The following CTNNB1 variants were observed in gnomAD, a reference collection of about 807,000 sequenced individuals.
CTNNB1 encodes the protein catenin beta-1.
A neutral mutation model predicts 82.5 loss-of-function variants in CTNNB1; 6 were observed. The ratio of observed to expected loss-of-function variants is 0.07; its 90% CI spans 0.04 to 0.14. The LOEUF is 0.14. Ranked by LOEUF, CTNNB1 falls within the 10% of genes least tolerant of loss-of-function variation. The pLI is 1.00. For missense variants in CTNNB1, 529 were observed against 980.4 expected, an observed-to-expected ratio of 0.54 and a Z score of 6.15; for synonymous variants, 312 against 329.7, an observed-to-expected ratio of 0.95 and a Z score of 0.58.
intron 1 of CTNNB1, among the ~76,000 whole-genome samples, chr3:41,215,161 A>G (rs1430508927): frequency 6.8e-6 from 1 of 147,044 alleles, no homozygotes; most frequent in Admixed American, 6.9e-5. Flanking sequence ...GTGGATCACG[A>G]GGGCAGGAGT....
intron 14 of CTNNB1, among the ~76,000 whole-genome samples, chr3:41,238,675 C>T (rs1157134847): frequency 6.6e-6 from 1 of 152,124 alleles, no homozygotes; most frequent in Admixed American, 6.5e-5. Context: ...GGAAATAGTG[C>T]CTTTCCTTAG....
At position 41,233,824 on chromosome 3, in the gene CTNNB1, T is replaced by C. The variant is rs1204504884; in HGVS notation, c.1481T>C (p.Val494Ala). Reference protein sequence around the residue: ...AVRLHYGLPVVVKLLHPPSHW... With the variant: ...AVRLHYGLPVAVKLLHPPSHW... Reference sequence around the variant, plus strand: ...CGCCTTCACTATGGACTACCAGTTGTGGTTAAGCTCTTACACCCACCATCC... The same window carrying C: ...CGCCTTCACTATGGACTACCAGTTGCGGTTAAGCTCTTACACCCACCATCC... The change falls in exon 9 of 15, where the codon GTG becomes GCG. Residue 494 changes from valine to alanine, a missense_variant. This residue lies in a region of CTNNB1 where 411 missense variants were observed against 776.4 expected (regional missense o/e 0.53). Transcript: ENST00000349496. 6.2e-7 allele frequency: 1 copy of C among 1,613,374 alleles called. No homozygotes were observed. The highest frequency in any genetic ancestry group is 1.1e-5 in the South Asian group (1 of 91,014).
intron 1 of CTNNB1, among the ~76,000 whole-genome samples, chr3:41,213,011 C>T (rs371802515): frequency 2.0e-5 from 3 of 152,104 alleles, no homozygotes; most frequent in Non-Finnish European, 2.9e-5. Context: ...TTAGTCAGCA[C>T]GAGATTTTAA....
chr3:41,232,842 C>T (rs979390749), intron 7 of CTNNB1, among the ~76,000 whole-genome samples: 2 of 152,056 alleles, frequency 1.3e-5, no homozygotes, highest in Non-Finnish European at 1.5e-5. Context: ...AAATCGCAGC[C>T]CCACTCCATT....
chr3:41,204,331 A>G (rs1048833161), intron 1 of CTNNB1, among the ~76,000 whole-genome samples: 4 of 152,206 alleles, frequency 2.6e-5, no homozygotes, highest in African/African-American at 9.7e-5. Flanking sequence ...CAACTTACTG[A>G]AAAAAATTGC....
chr3:41,208,966 A>C (rs1575289108), intron 1 of CTNNB1, among the ~76,000 whole-genome samples: 1 of 151,898 alleles, frequency 6.6e-6, no homozygotes, highest in African/African-American at 2.4e-5. Context: ...TGCTTTATGT[A>C]CTCCCGTTTT....
At chr3:41,219,081 G>A (rs2077980317) in intron 1 of CTNNB1, among the ~76,000 whole-genome samples, 1 of 152,184 alleles carries the variant, frequency 6.6e-6, no homozygotes, top group African/African-American at 2.4e-5. Flanking sequence ...GTGCCTCTGA[G>A]ATAAAGCCTA....
chr3:41,227,468 A>G (rs2078205356), intron 7 of CTNNB1, 116 bp downstream of exon 7: 3 of 1,083,568 alleles, frequency 2.8e-6, no homozygotes, highest in South Asian at 1.3e-5. Flanking sequence ...GGTCCTATTC[A>G]GTTTGCAGCC....
intron 1 of CTNNB1, among the ~76,000 whole-genome samples, chr3:41,210,189 C>T (rs912116326): frequency 6.6e-6 from 1 of 152,090 alleles, no homozygotes; most frequent in Non-Finnish European, 1.5e-5. Context: ...CGCGGTGGCT[C>T]ACGCCTGTAA....
chr3:41,210,260 C>G (rs1048542460), intron 1 of CTNNB1, among the ~76,000 whole-genome samples: 5 of 152,128 alleles, frequency 3.3e-5, no homozygotes, highest in African/African-American at 9.7e-5. Context: ...AGAGACCATC[C>G]TGGCTAACAT....
intron 14 of CTNNB1, 93 bp from the exon 15 acceptor site, chr3:41,239,041 G>A: frequency 9.6e-7 from 1 of 1,046,580 alleles, no homozygotes; most frequent in Non-Finnish European, 1.5e-6. Context: ...AACTTTGGAT[G>A]CCCTAACCTC....
intron 7 of CTNNB1, among the ~76,000 whole-genome samples, 188 bp downstream of exon 7, chr3:41,227,540 G>T (rs953089587): frequency 6.6e-5 from 10 of 152,152 alleles, no homozygotes; most frequent in Admixed American, 1.3e-4. Context: ...GCTAGTTTAG[G>T]TAGAGTTCTT....
chr3:41,213,152 A>G (rs185932838), intron 1 of CTNNB1, among the ~76,000 whole-genome samples: 1 of 152,278 alleles, frequency 6.6e-6, no homozygotes, highest in African/African-American at 2.4e-5. Context: ...TTAACGTTTC[A>G]TTGCACTCAC....
At chr3:41,228,835 T>C (rs1054109900) in intron 7 of CTNNB1, among the ~76,000 whole-genome samples, 6 of 152,234 alleles carry the variant, frequency 3.9e-5, no homozygotes, top group Admixed American at 2.6e-4. Flanking sequence ...CTAGGTTATC[T>C]TGCAGAGTTT....
chr3:41,233,299 C>A, intron 7 of CTNNB1, 42 bp from the exon 8 acceptor site: 2 of 1,546,574 alleles, frequency 1.3e-6, no homozygotes, highest in Non-Finnish European at 1.8e-6. Flanking sequence ...ATAGGCACTT[C>A]TAGCTAATGA....
intron 11 of CTNNB1, 88 bp from the exon 12 acceptor site, chr3:41,236,261 C>G: frequency 2.7e-6 from 4 of 1,498,074 alleles, no homozygotes; most frequent in Non-Finnish European, 3.7e-6. Context: ...CTCTTGCACT[C>G]TGAATTGGGA....
intron 1 of CTNNB1, among the ~76,000 whole-genome samples, chr3:41,207,780 C>G (rs1185180325): frequency 6.6e-6 from 1 of 152,092 alleles, no homozygotes; most frequent in Non-Finnish European, 1.5e-5. Context: ...GTGAATGTTC[C>G]TTTCTTTCTT....
chr3:41,224,871 A>G, intron 3 of CTNNB1, 83 bp from the exon 4 acceptor site: 1 of 1,605,796 alleles, frequency 6.2e-7, no homozygotes, highest in Non-Finnish European at 8.5e-7. Flanking sequence ...AGTAATAGCA[A>G]TGTCACTTTT....
In CTNNB1 at chr3:41,232,538, C is replaced by A. The variant is rs79049759; in HGVS notation, c.1082-803C>A. Among the ~76,000 whole-genome samples the A allele has an allele frequency of 2.2e-3, 330 of 151,906 alleles. 2 individuals carry two copies. The highest frequency in any genetic ancestry group is 7.5e-3 in the African/African-American group (312 of 41,426). On this transcript the variant is annotated intron_variant, in intron 7 of 14. Transcript: ENST00000349496. ...AAGGAAAAGTATCTCTTACTGCATTCAGAAGTGATTTAAGTTGAAGATGGA... is the reference window on the plus strand; with the variant it reads ...AAGGAAAAGTATCTCTTACTGCATTAAGAAGTGATTTAAGTTGAAGATGGA...
Sources: gnomAD v4.1 joint callset for allele counts (sites outside exome capture counted in the v4.1 genomes callset) on GRCh38, gnomAD v4.1.1 for gene constraint, gnomAD v4.1.1 regional missense constraint, MANE v1.5 for transcripts, NCBI Gene and HGNC (gene_info 2026-07-23, HGNC 2026-07-21) for gene names.